The following FNBP1 variants were observed in gnomAD, a reference collection of about 807,000 sequenced individuals.
FNBP1 encodes the protein formin-binding protein 1.
Under a neutral mutation model 90.6 loss-of-function variants are expected in FNBP1, and 26 were observed. The observed-to-expected ratio is 0.29, with a 90% CI of 0.21 to 0.40. The LOEUF is 0.40. FNBP1 is among the 10% of genes least tolerant of loss of function. The pLI is 1.00. For missense variants in FNBP1, 635 were observed against 768.0 expected (o/e 0.83, Z 2.05); for synonymous variants, 260 against 265.2 (o/e 0.98, Z 0.19).
chr9:129,946,826 T>A (rs566522234), intron 6 of FNBP1, among the ~76,000 whole-genome samples: 1 of 152,236 alleles, frequency 6.6e-6, no homozygotes, highest in Non-Finnish European at 1.5e-5. Flanking sequence ...AAGGGAATTA[T>A]TCATTGCCTG....
At chr9:129,950,001 G>A (rs1196654660) in intron 6 of FNBP1, among the ~76,000 whole-genome samples, 1 of 152,190 alleles carries the variant, frequency 6.6e-6, no homozygotes, top group Non-Finnish European at 1.5e-5. Context: ...AGGATGCGCT[G>A]CTTTGAATAC....
At position 129,929,700 on chromosome 9, in the gene FNBP1, G is replaced by A; in HGVS notation, c.514-5C>T. The A allele has an allele frequency of 6.2e-7, 1 of 1,613,742 alleles. No individual in the cohort carries two copies. The highest frequency in any genetic ancestry group is 8.5e-7 in the Non-Finnish European group (1 of 1,179,786). ...TATTTGAGCTTGTTGTCGGGCCTTA[G>A]GGCAAAAACAAGAATACTCCTACGT... On this transcript the variant is annotated splice_region_variant and splice_polypyrimidine_tract_variant and intron_variant, in intron 6 of 16. Transcript: ENST00000446176.
Position 129,889,071 on chromosome 9 carries a change from T to A in FNBP1, c.*1468A>T. Reference sequence around the variant, plus strand: ...AATGAGAGGAGGGGCTGCTCTGCTCTAAGGCGTGGCGGGGGGGGGGGGTGG... The same window carrying A: ...AATGAGAGGAGGGGCTGCTCTGCTCAAAGGCGTGGCGGGGGGGGGGGGTGG... On this transcript the variant is annotated 3_prime_UTR_variant, in exon 17 of 17. Coordinates refer to ENST00000446176, the MANE Select transcript of FNBP1 (RefSeq NM_015033.3). 2.1e-5 allele frequency: 1 copy of A among 48,490 alleles called. No homozygotes were observed. The highest frequency in any genetic ancestry group is 3.7e-5 in the Non-Finnish European group (1 of 27,294). 3.0% of individuals were successfully genotyped at this position (48,490 alleles called of 1,614,324 possible). A position where few individuals can be genotyped will look rare whatever the true frequency, so the allele number is the denominator to read the frequency against.
At chr9:129,919,363 C>A in intron 10 of FNBP1, 2 of 403,996 alleles carry the variant, frequency 5.0e-6, no homozygotes, top group Non-Finnish European at 9.4e-6. Context: ...TGGTATTTTT[C>A]CATACAATGA....
intron 4 of FNBP1, among the ~76,000 whole-genome samples, chr9:129,971,180 C>G (rs1339112104): frequency 1.3e-5 from 2 of 151,774 alleles, no homozygotes; most frequent in African/African-American, 4.8e-5. Flanking sequence ...TGTGAGCCAC[C>G]GCGCCTGGCC....
chr9:129,890,393 A>C lies in FNBP1; in HGVS notation c.*146T>G, dbSNP rs1397139962. 9 of 601,988 alleles carry C rather than the reference A, an allele frequency of 1.5e-5. No homozygotes were observed. The highest frequency in any genetic ancestry group is 2.6e-5 in the Non-Finnish European group (9 of 343,234). 37.3% of individuals were successfully genotyped at this position (601,988 alleles called of 1,614,324 possible). A position where few individuals can be genotyped will look rare whatever the true frequency, so the allele number is the denominator to read the frequency against. ...GCGGGAGGGCAGGGCCGCAGGGAGC[A>C]TGCTGGAGAGAGAGAGAGACCGCCC... On this transcript the variant is annotated 3_prime_UTR_variant, in exon 17 of 17. Transcript: ENST00000446176. This position sits in a 1 kb window ranked among gnomAD's most constrained non-coding sequence, Gnocchi z 5.8.
intron 11 of FNBP1, among the ~76,000 whole-genome samples, chr9:129,910,938 T>C (rs2039163639): frequency 6.6e-6 from 1 of 152,116 alleles, no homozygotes; most frequent in Non-Finnish European, 1.5e-5. Flanking sequence ...CAAAGAAGTT[T>C]GACTCTAAAT....
chr9:130,042,962 G>A lies in FNBP1; in HGVS notation c.14C>T (p.Thr5Ile). 1.6e-6 allele frequency: 2 copies of A among 1,227,306 alleles called. No individual in the cohort carries two copies. Among genetic ancestry groups the A allele is most frequent in the Non-Finnish European group, 1.0e-6 (1 of 984,642 alleles). The allele number at this position is 1,227,306 out of a possible 1,614,324, so 76.0% of individuals were successfully genotyped here. The change falls in exon 1 of 17, where the codon ACC becomes ATC. Residue 5 changes from threonine to isoleucine, a missense_variant. By Grantham distance (89) the Thr-to-Ile change is moderately conservative. Coordinates refer to ENST00000446176, the MANE Select transcript of FNBP1 (RefSeq NM_015033.3). This position sits in a 1 kb window ranked among gnomAD's most constrained non-coding sequence, Gnocchi z 5.5. MSWG[T>I]ELWDQFDNLE... ...CAGCCCCTCACTCACCCAGAGCTCG[G>A]TGCCCCAGCTCATGGTGCAGGGGAC...
chr9:130,037,578 A>G (rs1185555453), intron 1 of FNBP1, among the ~76,000 whole-genome samples: 1 of 152,220 alleles, frequency 6.6e-6, no homozygotes, highest in African/African-American at 2.4e-5. Context: ...ATATGTACAC[A>G]TATCATGCCT....
intron 1 of FNBP1, among the ~76,000 whole-genome samples, chr9:130,011,215 CAAAAAAAAA>C (rs1192541205): frequency 4.5e-4 from 6 of 13,416 alleles, no homozygotes; most frequent in South Asian, 6.5e-3. Flanking sequence ...GACTCCATCT[CAAAAAAAAA>C]AAAAAAAAAA....
Position 130,031,451 on chromosome 9 carries a change from T to C in FNBP1, c.24+11501A>G, listed in dbSNP as rs931491144. 5.9e-5 allele frequency among the ~76,000 whole-genome samples: 9 copies of C among 152,334 alleles called. No homozygotes were observed. The highest frequency in any genetic ancestry group is 3.4e-3 in the Middle Eastern group (1 of 294). On this transcript the variant is annotated intron_variant, in intron 1 of 16. Transcript: ENST00000446176. This position sits in a 1 kb window ranked among gnomAD's most constrained non-coding sequence, Gnocchi z 4.2. ...TCATTTGAGAGCTCTGTGCCCTCCATGACCCTTTGGACATACCATTTCCTC... is the reference window on the plus strand; with the variant it reads ...TCATTTGAGAGCTCTGTGCCCTCCACGACCCTTTGGACATACCATTTCCTC...
At chr9:129,911,765 G>A (rs914195410) in intron 11 of FNBP1, among the ~76,000 whole-genome samples, 4 of 151,738 alleles carry the variant, frequency 2.6e-5, no homozygotes, top group Non-Finnish European at 4.4e-5. Flanking sequence ...ACTCTGTCTC[G>A]ACTAAAGACA....
chr9:130,006,541 G>A (rs1405722989), intron 1 of FNBP1, among the ~76,000 whole-genome samples: 1 of 150,480 alleles, frequency 6.6e-6, no homozygotes, highest in African/African-American at 2.4e-5. Context: ...ATGGTGGCAG[G>A]CGCCTGTAAT....
chr9:129,922,193 AG>A (rs2041218558), intron 10 of FNBP1, among the ~76,000 whole-genome samples: 1 of 152,256 alleles, frequency 6.6e-6, no homozygotes, highest in Non-Finnish European at 1.5e-5. Context: ...GGGAAGGCTT[AG>A]ACTAGACTGG....
At chr9:129,923,476 G>C (rs182579637) in intron 10 of FNBP1, among the ~76,000 whole-genome samples, 182 of 151,816 alleles carry the variant, frequency 1.2e-3, no homozygotes, top group African/African-American at 4.1e-3. Context: ...CTAATCAGGA[G>C]GCCGAGGCAG....
chr9:129,943,252 G>A (rs533297155), intron 6 of FNBP1, among the ~76,000 whole-genome samples: 94 of 152,316 alleles, frequency 6.2e-4, no homozygotes, highest in African/African-American at 2.3e-3. Flanking sequence ...GAATGCAGGA[G>A]CAACTGCTGA....
intron 10 of FNBP1, among the ~76,000 whole-genome samples, chr9:129,917,611 A>T (rs2040460220): frequency 6.6e-6 from 1 of 152,228 alleles, no homozygotes; most frequent in Non-Finnish European, 1.5e-5. Flanking sequence ...CTGGGATTAC[A>T]GGTGTGAGCC....
chr9:129,959,991 A>G (rs561226173), intron 4 of FNBP1, among the ~76,000 whole-genome samples: 1 of 152,244 alleles, frequency 6.6e-6, no homozygotes, highest in Non-Finnish European at 1.5e-5. Context: ...TGTCACATGT[A>G]TCAGTACTCC....
Position 129,890,425 on chromosome 9 carries a change from G to T in FNBP1, c.*114C>A. ...AGAGAGAGAGAGACCGCCCCGCAGG[G>T]ATGGGGCTGCGGAGGGGTGGGCTGT... On this transcript the variant is annotated 3_prime_UTR_variant, in exon 17 of 17. Transcript: ENST00000446176. The surrounding 1 kb of genome is among the most constrained non-coding windows in gnomAD (Gnocchi z 5.8). The T allele has an allele frequency of 2.4e-6, 2 of 844,220 alleles. No homozygotes were observed. Among genetic ancestry groups the T allele is most frequent in the African/African-American group, 1.7e-5 (1 of 59,234 alleles). 52.3% of individuals were successfully genotyped at this position (844,220 alleles called of 1,614,324 possible).
Sources: gnomAD v4.1 joint callset for allele counts (sites outside exome capture counted in the v4.1 genomes callset) on GRCh38, gnomAD v4.1.1 for gene constraint, Gnocchi (gnomAD v3.1) non-coding constraint, MANE v1.5 for transcripts, NCBI Gene and HGNC (gene_info 2026-07-23, HGNC 2026-07-21) for gene names.